ZSCAN1: variants seen among roughly 807,000 people sequenced by gnomAD.
ZSCAN1 encodes zinc finger and SCAN domain containing 1.
ZSCAN1 carries 23 observed loss-of-function variants against 23.8 expected under a neutral mutation model. The observed-to-expected ratio is 0.97, with a 90% CI of 0.70 to 1.37. The LOEUF (loss-of-function observed/expected upper bound fraction) is 1.37. Ranked by LOEUF, ZSCAN1 falls within the 40% of genes most tolerant of loss-of-function variation. The pLI is 0.00. For missense variants in ZSCAN1, 575 were observed against 554.0 expected, an observed-to-expected ratio of 1.04 and a Z score of -0.38; for synonymous variants, 236 against 232.3, an observed-to-expected ratio of 1.02 and a Z score of -0.15.
chr19:58,044,615 C>T lies in ZSCAN1; in HGVS notation c.465+4071C>T, dbSNP rs964704208. The T allele has an allele frequency of 5.2e-5, 55 of 1,050,796 alleles. No homozygotes were observed. In the East Asian group the frequency reaches 1.1e-3, roughly 20 times the overall value. 65.1% of individuals were successfully genotyped at this position (1,050,796 alleles called of 1,614,324 possible). On this transcript the variant is annotated intron_variant, in intron 4 of 5. Transcript: ENST00000282326. ...GGCGTCCATCTTAATGAGGAGCTGC[C>T]GCGGCTGGGCGCCCGCCAGCCTCCC...
At position 58,053,491 on chromosome 19, in the gene ZSCAN1, G is replaced by A. The variant is rs769066933; in HGVS notation, c.667G>A (p.Gly223Arg). 1.2e-6 allele frequency: 2 copies of A among 1,614,036 alleles called. No individual in the cohort carries two copies. Among genetic ancestry groups the A allele is most frequent in the African/African-American group, 1.3e-5 (1 of 75,026 alleles). Residue 223 changes from glycine (G) to arginine (R), a missense_variant, in exon 6 of 6, where the codon GGG becomes AGG. Coordinates refer to ENST00000282326, the MANE Select transcript of ZSCAN1 (RefSeq NM_182572.4). This position sits in a 1 kb window ranked among gnomAD's most constrained non-coding sequence, Gnocchi z 5.8. The part of the protein sequence containing the change: ...IWDEPEDLLA[G>R]PSSDLRAEGT... Reference sequence around the variant, plus strand: ...GGACGAGCCTGAGGACCTTCTCGCAGGGCCCTCCTCAGACCTGCGGGCAGA... The same window carrying A: ...GGACGAGCCTGAGGACCTTCTCGCAAGGCCCTCCTCAGACCTGCGGGCAGA...
In ZSCAN1 at chr19:58,053,779, C is replaced by G; in HGVS notation, c.955C>G (p.Pro319Ala). 2 of 1,614,082 alleles carry G rather than the reference C, an allele frequency of 1.2e-6. No individual in the cohort carries two copies. The highest frequency in any genetic ancestry group is 1.7e-6 in the Non-Finnish European group (2 of 1,180,024). ...CCAGAAGACCCATCGCGAGGAAGGGCCCTTTCCGTGCCCCGAGTGTGGCAA... is the reference window on the plus strand; with the variant it reads ...CCAGAAGACCCATCGCGAGGAAGGGGCCTTTCCGTGCCCCGAGTGTGGCAA... ...EHQKTHREEGPFPCPECGKVF... is the reference protein window; with the variant it reads ...EHQKTHREEGAFPCPECGKVF... The change falls in exon 6 of 6, where the codon CCC becomes GCC. Residue 319 changes from proline to alanine, a missense_variant. Transcript: ENST00000282326. This position sits in a 1 kb window ranked among gnomAD's most constrained non-coding sequence, Gnocchi z 5.8.
In ZSCAN1 at chr19:58,054,222, A is replaced by G; in HGVS notation, c.*171A>G. 3.4e-6 allele frequency: 3 copies of G among 886,056 alleles called. No homozygotes were observed. Among genetic ancestry groups the G allele is most frequent in the East Asian group, 2.7e-5 (1 of 36,750 alleles). 54.9% of individuals were successfully genotyped at this position (886,056 alleles called of 1,614,324 possible). The stretch of plus-strand genomic sequence containing the variant: ...ACCCTGGACACCTGCTCCGAAGCCA[A>G]GCACGGGATGGGGCTTCCCAGGGTC... On this transcript the variant is annotated 3_prime_UTR_variant, in exon 6 of 6. Coordinates refer to ENST00000282326, the MANE Select transcript of ZSCAN1 (RefSeq NM_182572.4). The surrounding 1 kb of genome is among the most constrained non-coding windows in gnomAD (Gnocchi z 4.2).
At position 58,053,298 on chromosome 19, in the gene ZSCAN1, G is replaced by C. The variant is rs975110043; in HGVS notation, c.605-131G>C. 2 of 1,160,488 alleles carry C rather than the reference G, an allele frequency of 1.7e-6. No individual in the cohort carries two copies. Among genetic ancestry groups the C allele is most frequent in the Non-Finnish European group, 2.4e-6 (2 of 825,202 alleles). The allele number at this position is 1,160,488 out of a possible 1,614,324, so 71.9% of individuals were successfully genotyped here. On this transcript the variant is annotated intron_variant, in intron 5 of 5. Coordinates refer to ENST00000282326, the MANE Select transcript of ZSCAN1 (RefSeq NM_182572.4). The surrounding 1 kb of genome is among the most constrained non-coding windows in gnomAD (Gnocchi z 5.8). ...TTAAAGGACAGAACGGAGGACACAG[G>C]GGCCGTATTGAGCAGAGGAAGGGCC...
Position 58,037,917 on chromosome 19 carries a change from G to GCCAGCAAGCCCCAGGGACACCGAAGC in ZSCAN1, c.87_112dup (p.Arg38GlnfsTer39). The GCCAGCAAGCCCCAGGGACACCGAAGC allele has an allele frequency of 6.3e-7, 1 of 1,599,452 alleles. No individual in the cohort carries two copies. Among genetic ancestry groups the GCCAGCAAGCCCCAGGGACACCGAAGC allele is most frequent in the African/African-American group, 1.3e-5 (1 of 74,952 alleles). ...CGAGTGAGCAGGACGCAGACCCTGG[G>GCCAGCAAGCCCCAGGGACACCGAAGC]CCAGCAAGCCCCAGGGACACCGAAG... On this transcript the variant is annotated frameshift_variant, in exon 3 of 6. Coordinates refer to ENST00000282326, the MANE Select transcript of ZSCAN1 (RefSeq NM_182572.4). LOFTEE classifies it high-confidence loss of function.
chr19:58,043,158 C>A (rs1306784450), intron 4 of ZSCAN1, among the ~76,000 whole-genome samples: 1 of 152,244 alleles, frequency 6.6e-6, no homozygotes, highest in Non-Finnish European at 1.5e-5. Context: ...GCGGGGCAGC[C>A]CGGCTCGCCA....
In ZSCAN1 at chr19:58,049,306, T is replaced by A. The variant is rs1001283556; in HGVS notation, c.466-3184T>A. The A allele has an allele frequency of 6.6e-6, 1 of 152,314 alleles. No individual in the cohort carries two copies. Among genetic ancestry groups the A allele is most frequent in the African/African-American group, 2.4e-5 (1 of 41,454 alleles). The allele number at this position is 152,314 out of a possible 1,614,324, so 9.4% of individuals were successfully genotyped here. ...CCCCTTGATCTTCCAGTAACTGTTT[T>A]AACTGTGCAATCTGCAACTTCCCTA... On this transcript the variant is annotated intron_variant, in intron 4 of 5. Transcript: ENST00000282326. The surrounding 1 kb of genome is among the most constrained non-coding windows in gnomAD (Gnocchi z 4.5).
chr19:58,038,360 A>G, intron 3 of ZSCAN1, 154 bp downstream of exon 3: 1 of 968,516 alleles, frequency 1.0e-6, no homozygotes, highest in Non-Finnish European at 1.5e-6. Context: ...GTTTTTAATT[A>G]TTTTTACATA....
chr19:58,043,727 G>A (rs2073805479), intron 4 of ZSCAN1, among the ~76,000 whole-genome samples: 1 of 152,010 alleles, frequency 6.6e-6, no homozygotes, highest in South Asian at 2.1e-4. Flanking sequence ...ATGGCTCACC[G>A]CAACCTCAAC....
chr19:58,042,792 G>A (rs1031960508), intron 4 of ZSCAN1, among the ~76,000 whole-genome samples: 1 of 152,214 alleles, frequency 6.6e-6, no homozygotes, highest in Non-Finnish European at 1.5e-5. Flanking sequence ...CAACTCCAAG[G>A]ACTCTCTTTT....
chr19:58,034,380 G>A (rs1255355473), intron 1 of ZSCAN1, among the ~76,000 whole-genome samples: 2 of 150,878 alleles, frequency 1.3e-5, no homozygotes, highest in East Asian at 2.0e-4. Context: ...GAGGGAAGGG[G>A]AAGGCTAGAG....
chr19:58,054,118 AT>A lies in ZSCAN1; in HGVS notation c.*68del. 1 of 1,432,162 alleles carries A rather than the reference AT, an allele frequency of 7.0e-7. No homozygotes were observed. Among genetic ancestry groups the A allele is most frequent in the Non-Finnish European group, 9.1e-7 (1 of 1,095,616 alleles). 88.7% of individuals were successfully genotyped at this position (1,432,162 alleles called of 1,614,324 possible). A position where few individuals can be genotyped will look rare whatever the true frequency, so the allele number is the denominator to read the frequency against. ...GGGGGGAGCTGATGGGCCCCAGAAG[AT>A]GGGGGACATCCCCCAGCCCCACCAA... On this transcript the variant is annotated 3_prime_UTR_variant, in exon 6 of 6. Transcript: ENST00000282326. The surrounding 1 kb of genome is among the most constrained non-coding windows in gnomAD (Gnocchi z 4.2).
At chr19:58,038,711 C>T (rs899003427) in intron 3 of ZSCAN1, among the ~76,000 whole-genome samples, 3 of 152,250 alleles carry the variant, frequency 2.0e-5, no homozygotes, top group African/African-American at 4.8e-5. Flanking sequence ...GCTCCCCTCT[C>T]CCCTGACAGG....
intron 3 of ZSCAN1, among the ~76,000 whole-genome samples, chr19:58,039,387 C>T (rs1000847773): frequency 4.6e-5 from 7 of 152,214 alleles, no homozygotes; most frequent in Non-Finnish European, 2.9e-5. Flanking sequence ...CTCTATCTGT[C>T]TTCCATAGCG....
rs2073818246 is a variant in ZSCAN1 at position 58,045,342 on chromosome 19, C to T, written c.465+4798C>T. 2.5e-6 allele frequency: 2 copies of T among 803,682 alleles called. No individual in the cohort carries two copies. The highest frequency in any genetic ancestry group is 1.7e-5 in the African/African-American group (1 of 59,494). The allele number at this position is 803,682 out of a possible 1,614,324, so 49.8% of individuals were successfully genotyped here. ...CATCAAGGAGAAGAGGCTGAAGGAG[C>T]TTCAGGTCAAGCTGGAGCTAGCCGA... is the stretch of plus-strand genomic sequence containing the variant. On this transcript the variant is annotated intron_variant, in intron 4 of 5. Transcript: ENST00000282326. This position sits in a 1 kb window ranked among gnomAD's most constrained non-coding sequence, Gnocchi z 4.3.
At chr19:58,036,426 T>G (rs1314513278) in intron 2 of ZSCAN1, among the ~76,000 whole-genome samples, 1 of 152,224 alleles carries the variant, frequency 6.6e-6, no homozygotes, top group Non-Finnish European at 1.5e-5. Flanking sequence ...CTTATTTTTA[T>G]TTTTACAACT....
At chr19:58,035,231 C>T (rs1272681067) in intron 1 of ZSCAN1, among the ~76,000 whole-genome samples, 1 of 152,142 alleles carries the variant, frequency 6.6e-6, no homozygotes, top group Non-Finnish European at 1.5e-5. Context: ...ACCTCAGTCC[C>T]CTTCACATCA....
At chr19:58,044,594 T>A (rs1480813641) in intron 4 of ZSCAN1, 1 of 981,486 alleles carries the variant, frequency 1.0e-6, no homozygotes, top group Non-Finnish European at 1.5e-6. Context: ...ACACACGGCG[T>A]CCATCTTAAT....
chr19:58,053,364 G>T lies in ZSCAN1; in HGVS notation c.605-65G>T, dbSNP rs181854287. On this transcript the variant is annotated intron_variant, in intron 5 of 5. Coordinates refer to ENST00000282326, the MANE Select transcript of ZSCAN1 (RefSeq NM_182572.4). The surrounding 1 kb of genome is among the most constrained non-coding windows in gnomAD (Gnocchi z 5.8). ...CACTGGGGTCCTCCGTGCCCCTGGG[G>T]AGCACAGGGAGATGCCAAGGCCATC... The T allele has an allele frequency of 5.8e-6, 9 of 1,547,080 alleles. No individual in the cohort carries two copies. In the Admixed American group the frequency reaches 1.7e-4, roughly 28 times the overall value.
Sources: gnomAD v4.1 joint callset for allele counts (sites outside exome capture counted in the v4.1 genomes callset) on GRCh38, gnomAD v4.1.1 for gene constraint, Gnocchi (gnomAD v3.1) non-coding constraint, MANE v1.5 for transcripts, NCBI Gene and HGNC (gene_info 2026-07-23, HGNC 2026-07-21) for gene names.